Variants in RINT1 observed in about 807,000 individuals in gnomAD.
RINT1 encodes RAD50-interacting protein 1.
In RINT1, 75 loss-of-function variants were observed where a neutral mutation model predicts 97.7. The ratio of observed to expected loss-of-function variants is 0.77; its 90% CI spans 0.64 to 0.93. The LOEUF (loss-of-function observed/expected upper bound fraction) is 0.93, where lower values mean the gene tolerates loss of function less well. RINT1 is among the 40% of genes least tolerant of loss of function. RINT1 has a pLI of 0.00. For synonymous variants in RINT1, 303 were observed against 326.3 expected (o/e 0.93, Z 0.77); for missense variants, 892 against 925.2 (o/e 0.96, Z 0.47).
intron 7 of RINT1, 123 bp downstream of exon 7, chr7:105,548,833 A>G: frequency 2.3e-6 from 2 of 879,884 alleles, no homozygotes; most frequent in Non-Finnish European, 3.5e-6. Context: ...CTAAAGGGCT[A>G]CATTCCTGTT....
chr7:105,549,959 A>T, intron 7 of RINT1, 96 bp from the exon 8 acceptor site: 2 of 717,094 alleles, frequency 2.8e-6, no homozygotes, highest in Non-Finnish European at 4.5e-6. Flanking sequence ...ACTAATTTTT[A>T]TAAGTGTTGT....
chr7:105,561,010 G>A (rs1267757139), intron 11 of RINT1, among the ~76,000 whole-genome samples: 1 of 151,564 alleles, frequency 6.6e-6, no homozygotes, highest in Non-Finnish European at 1.5e-5. Flanking sequence ...GTAAGCCACC[G>A]TGCCAGGCCA....
At chr7:105,540,523 A>C (rs1295337897) in intron 3 of RINT1, among the ~76,000 whole-genome samples, 2 of 151,954 alleles carry the variant, frequency 1.3e-5, no homozygotes, top group African/African-American at 4.8e-5. Context: ...CTGCCTCCCA[A>C]AGTGCTAGGA....
chr7:105,565,505 T>C (rs762292576), intron 13 of RINT1, 25 bp from the exon 14 acceptor site: 12 of 1,610,778 alleles, frequency 7.4e-6, no homozygotes, highest in Non-Finnish European at 8.5e-6. Context: ...AAGACAACTG[T>C]TATATGAATT....
chr7:105,545,320 T>C (rs1790617097), intron 4 of RINT1, among the ~76,000 whole-genome samples: 1 of 150,580 alleles, frequency 6.6e-6, no homozygotes, highest in South Asian at 2.1e-4. Flanking sequence ...GGCTTGGTGG[T>C]GAGCACCCAT....
chr7:105,563,981 A>AGTT (rs1449675629), intron 12 of RINT1, 34 bp downstream of exon 12: 1 of 1,488,494 alleles, frequency 6.7e-7, no homozygotes, highest in Admixed American at 1.7e-5. Context: ...TCTTAACACC[A>AGTT]GTTTGGTAAA....
chr7:105,553,392 A>AT (rs1393773239), intron 10 of RINT1, among the ~76,000 whole-genome samples: 103 of 149,494 alleles, frequency 6.9e-4, no homozygotes, highest in African/African-American at 2.4e-3. Flanking sequence ...TGCCTGGTTA[A>AT]TTTTTTTTTG....
chr7:105,563,628 G>A (rs543913992), intron 11 of RINT1, 105 bp from the exon 12 acceptor site: 122 of 960,478 alleles, frequency 1.3e-4, no homozygotes, highest in Non-Finnish European at 1.8e-4. Context: ...CACCGTGCCC[G>A]GTCGAATTAT....
intron 7 of RINT1, among the ~76,000 whole-genome samples, 193 bp downstream of exon 7, chr7:105,548,903 G>A (rs1790802039): frequency 6.6e-6 from 1 of 152,058 alleles, no homozygotes; most frequent in South Asian, 2.1e-4. Context: ...TAGGAAAAAT[G>A]GTATTTCCGC....
Position 105,550,113 on chromosome 7 carries a change from A to T in RINT1, c.1055A>T (p.Asp352Val), listed in dbSNP as rs145829580. Reference protein sequence around the residue: ...MWIGNHTEFLDEKIQPILDKV... With the variant: ...MWIGNHTEFLVEKIQPILDKV... ...ATTGGAAACCATACTGAATTTCTGG[A>T]TGAGAAGATTCAGCCAATATTAGAC... Residue 352 changes from aspartate (D) to valine (V), a missense_variant, in exon 8 of 15, where the codon GAT becomes GTT. Coordinates refer to ENST00000257700, the MANE Select transcript of RINT1 (RefSeq NM_021930.6). 2 of 1,613,972 alleles carry T rather than the reference A, an allele frequency of 1.2e-6. No homozygotes were observed. Among genetic ancestry groups the T allele is most frequent in the Non-Finnish European group, 1.7e-6 (2 of 1,179,888 alleles).
At chr7:105,567,003 T>G in intron 14 of RINT1, 116 bp from the exon 15 acceptor site, 1 of 525,542 alleles carries the variant, frequency 1.9e-6, no homozygotes, top group Non-Finnish European at 3.1e-6. Context: ...ATAAATATTT[T>G]TATAGAGAAC....
intron 9 of RINT1, among the ~76,000 whole-genome samples, chr7:105,551,046 T>C (rs1790903113): frequency 6.6e-6 from 1 of 152,126 alleles, no homozygotes; most frequent in South Asian, 2.1e-4. Flanking sequence ...TTTTTATTTT[T>C]GAGATAGGGT....
intron 11 of RINT1, among the ~76,000 whole-genome samples, chr7:105,562,745 A>G (rs1227906781): frequency 1.3e-5 from 2 of 152,014 alleles, no homozygotes; most frequent in African/African-American, 4.8e-5. Flanking sequence ...AAAGTTACAA[A>G]AAAAAAAATT....
intron 2 of RINT1, among the ~76,000 whole-genome samples, chr7:105,534,980 A>G (rs1334223239): frequency 6.6e-6 from 1 of 152,180 alleles, no homozygotes; most frequent in Non-Finnish European, 1.5e-5. Flanking sequence ...TCTGACATTT[A>G]CATTTTGCAC....
chr7:105,545,017 T>C (rs1460324377), intron 4 of RINT1, among the ~76,000 whole-genome samples: 1 of 152,170 alleles, frequency 6.6e-6, no homozygotes, highest in Non-Finnish European at 1.5e-5. Flanking sequence ...AGAATTAGCA[T>C]CCTTACATTA....
At position 105,532,887 on chromosome 7, in the gene RINT1, A is replaced by G; in HGVS notation, c.88+18A>G. On this transcript the variant is annotated intron_variant, in intron 2 of 14. Coordinates refer to ENST00000257700, the MANE Select transcript of RINT1 (RefSeq NM_021930.6). Reference sequence around the variant, plus strand: ...GGAGAAAAGTAAGCCAGCTCCAAACACCTTAGCTTTTTCTTCCCGCCCAAA... The same window carrying G: ...GGAGAAAAGTAAGCCAGCTCCAAACGCCTTAGCTTTTTCTTCCCGCCCAAA... 6.2e-7 allele frequency: 1 copy of G among 1,613,454 alleles called. No homozygotes were observed. Among genetic ancestry groups the G allele is most frequent in the African/African-American group, 1.3e-5 (1 of 75,010 alleles).
At chr7:105,542,953 C>T (rs983160482) in intron 4 of RINT1, among the ~76,000 whole-genome samples, 2 of 151,224 alleles carry the variant, frequency 1.3e-5, no homozygotes, top group South Asian at 2.1e-4. Context: ...GGTGCCATCT[C>T]GGCTCACTGC....
chr7:105,536,600 C>T lies in RINT1; in HGVS notation c.124C>T (p.Gln42Ter). ...INVTVLIGSK[Q>*]VSEGTDNGDL... is the part of the protein sequence containing the mutation. ...TGTTACAGTTCTTATTGGAAGTAAACAAGTCAGTGAAGGTACAGATAATGG... is the reference window on the plus strand; with the variant it reads ...TGTTACAGTTCTTATTGGAAGTAAATAAGTCAGTGAAGGTACAGATAATGG... The change falls in exon 3 of 15, where the codon CAA becomes TAA. Residue 42 changes from glutamine (Q) to a stop codon, truncating the protein, a stop_gained. Transcript: ENST00000257700. LOFTEE classifies it high-confidence loss of function. The T allele has an allele frequency of 6.2e-7, 1 of 1,602,738 alleles. No homozygotes were observed. Among genetic ancestry groups the T allele is most frequent in the Non-Finnish European group, 8.5e-7 (1 of 1,175,590 alleles).
intron 11 of RINT1, among the ~76,000 whole-genome samples, chr7:105,556,130 G>A (rs747738508): frequency 6.6e-6 from 1 of 150,642 alleles, no homozygotes; most frequent in Non-Finnish European, 1.5e-5. Flanking sequence ...GCAATGGTGC[G>A]ATCTCGGCTC....
Sources: allele counts gnomAD v4.1 joint callset (sites outside exome capture counted in the v4.1 genomes callset), GRCh38; gene constraint gnomAD v4.1.1; transcripts MANE v1.5; gene names NCBI Gene and HGNC (gene_info 2026-07-23, HGNC 2026-07-21).